Variants in SLC9B1 observed in about 807,000 individuals in gnomAD.
SLC9B1 encodes the protein solute carrier family 9 member B1, also known as sodium/hydrogen exchanger 9B1.
In SLC9B1, 32 loss-of-function variants were observed where a neutral mutation model predicts 51.7. That is an observed-to-expected ratio of 0.62 (90% CI 0.47 to 0.83). The LOEUF (loss-of-function observed/expected upper bound fraction) is 0.83, where lower values mean the gene tolerates loss of function less well. Ranked by LOEUF, SLC9B1 falls within the 40% of genes least tolerant of loss-of-function variation. The pLI is 0.00. For synonymous variants in SLC9B1, 145 were observed against 212.7 expected, an observed-to-expected ratio of 0.68 and a Z score of 2.77; for missense variants, 406 against 613.2, an observed-to-expected ratio of 0.66 and a Z score of 3.57.
intron 7 of SLC9B1, among the ~76,000 whole-genome samples, chr4:102,912,575 C>A (rs1382951340): frequency 1.3e-5 from 2 of 152,148 alleles, no homozygotes; most frequent in Non-Finnish European, 2.9e-5. Context: ...TATTTTTAGA[C>A]ATATTTTCTA....
chr4:102,899,746 G>A (rs563857297), downstream of SLC9B1, among the ~76,000 whole-genome samples: 1 of 152,188 alleles, frequency 6.6e-6, no homozygotes, highest in South Asian at 2.1e-4. Flanking sequence ...ACAATGAGAT[G>A]CCCTCATGAT....
chr4:103,005,326 TAAAC>T (rs1426266836), intron 1 of SLC9B1, among the ~76,000 whole-genome samples: 2 of 148,994 alleles, frequency 1.3e-5, no homozygotes, highest in Non-Finnish European at 3.0e-5. Context: ...AAACAGACTT[TAAAC>T]AAACAGTGAT....
chr4:103,010,308 A>G (rs1014103557), intron 1 of SLC9B1, among the ~76,000 whole-genome samples: 7 of 152,082 alleles, frequency 4.6e-5, no homozygotes, highest in Non-Finnish European at 8.8e-5. Flanking sequence ...TCCTCCTCAC[A>G]TGGCAGAAGG....
downstream of SLC9B1, among the ~76,000 whole-genome samples, chr4:102,899,298 C>T (rs866780700): frequency 6.6e-6 from 1 of 150,996 alleles, no homozygotes; most frequent in Non-Finnish European, 1.5e-5. Context: ...ATCAATAACA[C>T]AATTCCTCAT....
At chr4:102,915,661 G>A (rs1370035966) in intron 7 of SLC9B1, among the ~76,000 whole-genome samples, 2 of 152,294 alleles carry the variant, frequency 1.3e-5, no homozygotes, top group African/African-American at 4.8e-5. Flanking sequence ...GGGACTACAG[G>A]TGTAAGACAC....
At chr4:102,987,420 T>C (rs1739684495) in intron 3 of SLC9B1, among the ~76,000 whole-genome samples, 1 of 152,128 alleles carries the variant, frequency 6.6e-6, no homozygotes, top group Non-Finnish European at 1.5e-5. Flanking sequence ...TTTCTACATG[T>C]AAGGATATTA....
In SLC9B1 at chr4:102,921,026, G is replaced by T. The variant is rs553675864; in HGVS notation, c.830-9489C>A. 3.3e-5 allele frequency among the ~76,000 whole-genome samples: 5 copies of T among 152,196 alleles called. No individual in the cohort carries two copies. The South Asian group carries it at 1.0e-3, about 32-fold the overall frequency. On this transcript the variant is annotated intron_variant, in intron 7 of 11. Transcript: ENST00000296422. ...AGGAGAACTTCCCCAACCTAGCAAG[G>T]CAGGCCAACATTCAAATTCAGGAAA...
chr4:102,984,330 G>A (rs1739506670), intron 3 of SLC9B1, among the ~76,000 whole-genome samples: 1 of 152,044 alleles, frequency 6.6e-6, no homozygotes, highest in Non-Finnish European at 1.5e-5. Flanking sequence ...TTGCCAGGCT[G>A]GTCTCAAACT....
intron 3 of SLC9B1, among the ~76,000 whole-genome samples, chr4:102,971,809 C>T (rs1007541172): frequency 3.9e-5 from 6 of 152,082 alleles, no homozygotes; most frequent in Non-Finnish European, 8.8e-5. Context: ...AAGGGGATAT[C>T]ACCACTGATC....
At chr4:103,005,398 A>C (rs1289727292) in intron 1 of SLC9B1, among the ~76,000 whole-genome samples, 1 of 152,168 alleles carries the variant, frequency 6.6e-6, no homozygotes, top group African/African-American at 2.4e-5. Flanking sequence ...TTCAACAAGA[A>C]GACCTAACTA....
intron 6 of SLC9B1, among the ~76,000 whole-genome samples, chr4:102,944,099 G>A (rs1737153038): frequency 6.6e-6 from 1 of 152,110 alleles, no homozygotes. Flanking sequence ...TGGAGTTGAG[G>A]CCATTATCCT....
intron 3 of SLC9B1, among the ~76,000 whole-genome samples, chr4:102,970,239 A>C (rs1578390275): frequency 2.0e-5 from 3 of 152,342 alleles, no homozygotes; most frequent in South Asian, 2.1e-4. Flanking sequence ...AGCCAGAGAG[A>C]AAGGTCGGGT....
At chr4:103,008,575 G>T (rs1346658553) in intron 1 of SLC9B1, among the ~76,000 whole-genome samples, 2 of 151,720 alleles carry the variant, frequency 1.3e-5, no homozygotes. Context: ...AAGAGATGGG[G>T]TTTCACCATG....
chr4:102,922,676 G>A (rs1390856108), intron 7 of SLC9B1, among the ~76,000 whole-genome samples: 1 of 151,850 alleles, frequency 6.6e-6, no homozygotes, highest in Non-Finnish European at 1.5e-5. Context: ...TAATAAAGAA[G>A]AAAAGAGAGA....
chr4:102,969,044 G>C (rs564408707), intron 3 of SLC9B1, among the ~76,000 whole-genome samples: 36 of 152,312 alleles, frequency 2.4e-4, no homozygotes, highest in African/African-American at 7.9e-4. Context: ...GCTCGAACTG[G>C]GTGGAGCTCA....
In SLC9B1 at chr4:102,954,338, G is replaced by A. The variant is rs1432908218; in HGVS notation, c.212-4911C>T. ...GGATGAAGCCCACTTGATCATGGTGGATAAGCTTTTTGATGTGCTGCTGGA... is the reference window on the plus strand; with the variant it reads ...GGATGAAGCCCACTTGATCATGGTGAATAAGCTTTTTGATGTGCTGCTGGA... On this transcript the variant is annotated intron_variant, in intron 3 of 11. Transcript: ENST00000296422. Among the ~76,000 whole-genome samples the A allele has an allele frequency of 2.8e-5, 2 of 72,028 alleles. 1 individual carries two copies. Among genetic ancestry groups the A allele is most frequent in the Non-Finnish European group, 5.0e-5 (2 of 40,028 alleles). The allele number at this position is 72,028 out of a possible 152,430, so 47.3% of individuals were successfully genotyped here. A position where few individuals can be genotyped will look rare whatever the true frequency, so the allele number is the denominator to read the frequency against.
At chr4:102,932,685 T>C (rs1297472893) in intron 6 of SLC9B1, among the ~76,000 whole-genome samples, 1 of 152,142 alleles carries the variant, frequency 6.6e-6, no homozygotes, top group Non-Finnish European at 1.5e-5. Flanking sequence ...AAGGAAACCA[T>C]AAACCAAAAT....
chr4:102,977,461 G>C (rs985741269), intron 3 of SLC9B1, among the ~76,000 whole-genome samples: 3 of 151,994 alleles, frequency 2.0e-5, no homozygotes, highest in Non-Finnish European at 4.4e-5. Flanking sequence ...TGTAGTTGAG[G>C]GTAGATATTT....
At chr4:102,945,567 C>T (rs1178902120) in intron 5 of SLC9B1, among the ~76,000 whole-genome samples, 2 of 151,898 alleles carry the variant, frequency 1.3e-5, no homozygotes, top group Non-Finnish European at 2.9e-5. Context: ...ATCAATTTTA[C>T]TGTGATTAAA....
Sources: gnomAD v4.1 joint callset for allele counts (sites outside exome capture counted in the v4.1 genomes callset) on GRCh38, gnomAD v4.1.1 for gene constraint, MANE v1.5 for transcripts, NCBI Gene and HGNC (gene_info 2026-07-23, HGNC 2026-07-21) for gene names.